The following ADCY9 variants were observed in gnomAD, a reference collection of about 807,000 sequenced individuals.
The protein encoded by ADCY9 is adenylate cyclase 9, also known as adenylate cyclase type 9.
In ADCY9, 50 loss-of-function variants were observed where a neutral mutation model predicts 101.5. The observed-to-expected ratio is 0.49, with a 90% confidence interval of 0.39 to 0.62. The LOEUF (loss-of-function observed/expected upper bound fraction) is 0.62. ADCY9 is among the 20% of genes least tolerant of loss of function. The probability of loss-of-function intolerance (pLI) is 0.00; values close to 1 mark genes in which losing one functional copy is unlikely to be tolerated. For synonymous variants in ADCY9, 905 were observed against 769.3 expected (o/e 1.18, Z -2.92); for missense variants, 1,662 against 1,800.4 (o/e 0.92, Z 1.39).
chr16:3,983,608 G>A (rs1230182930), intron 6 of ADCY9, 168 bp from the exon 7 acceptor site: 25 of 629,420 alleles, frequency 4.0e-5, no homozygotes, highest in Non-Finnish European at 6.4e-5. Flanking sequence ...ATTTAACACT[G>A]GGGAGTCCAA....
rs1555504577 is a variant in ADCY9 at position 3,956,488 on chromosome 16, CTT to C, written c.568-2974_568-2973del. Among the ~76,000 whole-genome samples the C allele has an allele frequency of 1.1e-3, 76 of 68,784 alleles. 1 individual carries two copies. The highest frequency in any genetic ancestry group is 4.4e-3 in the African/African-American group (67 of 15,152). 45.1% of individuals were successfully genotyped at this position (68,784 alleles called of 152,430 possible). On this transcript the variant is annotated intron_variant, in intron 5 of 5. Coordinates refer to the ADCY9 transcript ENST00000576936. The stretch of plus-strand genomic sequence containing the variant: ...AAGGACAAGACACCAGCGCAATGAG[CTT>C]TTTTTTTTTTTTTGGGGGGGGATGG...
chr16:4,097,487 T>TATATATATATATACACACAC (rs76750792), intron 2 of ADCY9, among the ~76,000 whole-genome samples: 27 of 72,482 alleles, frequency 3.7e-4, no homozygotes, highest in East Asian at 7.4e-4. Context: ...TATATATATA[T>TATATATATATATACACACAC]ACACACACAC....
At chr16:4,048,682 T>C (rs568856502) in intron 2 of ADCY9, among the ~76,000 whole-genome samples, 1 of 152,246 alleles carries the variant, frequency 6.6e-6, no homozygotes, top group African/African-American at 2.4e-5. Flanking sequence ...CCCCACTCCC[T>C]TCTTTCCCAA....
chr16:4,076,424 G>C (rs768739956), intron 2 of ADCY9, among the ~76,000 whole-genome samples: 5 of 152,110 alleles, frequency 3.3e-5, no homozygotes, highest in Admixed American at 1.3e-4. Flanking sequence ...CAAAGAAAAA[G>C]GCTCCAGTTT....
rs1285838081 is a variant in ADCY9 at position 4,115,974 on chromosome 16, GGC to G, written c.-330_-329del. The G allele has an allele frequency of 6.5e-6, 1 of 153,836 alleles. No homozygotes were observed. The highest frequency in any genetic ancestry group is 1.0e-5 in the Non-Finnish European group (1 of 98,264). 9.5% of individuals were successfully genotyped at this position (153,836 alleles called of 1,614,324 possible). A position where few individuals can be genotyped will look rare whatever the true frequency, so the allele number is the denominator to read the frequency against. On this transcript the variant is annotated 5_prime_UTR_variant, in exon 1 of 11. Transcript: ENST00000294016. The surrounding 1 kb of genome is among the most constrained non-coding windows in gnomAD (Gnocchi z 6.2). Reference sequence around the variant, plus strand: ...CAAAGGCGGCGCGCGGCCGGCCCCGGGCCCGGACCCCGACCCGGAGCAGCGAG... The same window carrying G: ...CAAAGGCGGCGCGCGGCCGGCCCCGGCCGGACCCCGACCCGGAGCAGCGAG...
At position 4,115,216 on chromosome 16, in the gene ADCY9, T is replaced by TGCCTGCGCAGCCG; in HGVS notation, c.214_226dup (p.Gln76ProfsTer195). ...CTCGAACAGCTGGGGCAGCTTCTTC[T>TGCCTGCGCAGCCG]GCCTGCGCAGCCGGCCTCCGCCGCC... On this transcript the variant is annotated frameshift_variant, in exon 2 of 11. Coordinates refer to ENST00000294016, the MANE Select transcript of ADCY9 (RefSeq NM_001116.4). LOFTEE classifies it high-confidence loss of function. The surrounding 1 kb of genome is among the most constrained non-coding windows in gnomAD (Gnocchi z 6.2). The TGCCTGCGCAGCCG allele has an allele frequency of 4.3e-6, 7 of 1,613,352 alleles. No homozygotes were observed. Among genetic ancestry groups the TGCCTGCGCAGCCG allele is most frequent in the Non-Finnish European group, 5.9e-6 (7 of 1,179,738 alleles).
intron 6 of ADCY9, among the ~76,000 whole-genome samples, chr16:3,987,509 T>A (rs537770954): frequency 6.6e-6 from 1 of 152,304 alleles, no homozygotes; most frequent in East Asian, 1.9e-4. Context: ...AGGAGGATAA[T>A]CATCAGCTTC....
intron 2 of ADCY9, chr16:4,032,039 C>G (rs2056558841): frequency 6.6e-6 from 1 of 150,528 alleles, no homozygotes; most frequent in Admixed American, 6.6e-5. Flanking sequence ...TCACACCTCC[C>G]CAGCACTTTG....
intron 2 of ADCY9, among the ~76,000 whole-genome samples, chr16:4,035,200 G>A (rs2056581219): frequency 6.6e-6 from 1 of 152,162 alleles, no homozygotes; most frequent in Non-Finnish European, 1.5e-5. Flanking sequence ...GTAGACAGAG[G>A]CAGTTCTGGC....
downstream of ADCY9, among the ~76,000 whole-genome samples, chr16:3,959,843 T>C (rs959769511): frequency 1.3e-5 from 2 of 151,998 alleles, no homozygotes; most frequent in Non-Finnish European, 2.9e-5. Flanking sequence ...CTGGCCAACA[T>C]GGTGAAACCC....
At chr16:4,021,340 C>G (rs1182909018) in intron 2 of ADCY9, among the ~76,000 whole-genome samples, 1 of 152,176 alleles carries the variant, frequency 6.6e-6, no homozygotes, top group Non-Finnish European at 1.5e-5. Flanking sequence ...AGGTATTACT[C>G]CACCATCCCT....
chr16:3,990,669 C>T (rs1284334920), intron 5 of ADCY9, among the ~76,000 whole-genome samples: 2 of 152,222 alleles, frequency 1.3e-5, no homozygotes, highest in Admixed American at 1.3e-4. Context: ...GACCCTCTCT[C>T]CTCCCCTGAC....
rs2386823 is a variant in ADCY9 at position 4,027,441 on chromosome 16, C to G, written c.1694-19883G>C. Among the ~76,000 whole-genome samples the G allele has an allele frequency of 1.1e-4, 16 of 152,036 alleles. 1 individual carries two copies. Among genetic ancestry groups the G allele is most frequent in the African/African-American group, 3.4e-4 (14 of 41,380 alleles). On this transcript the variant is annotated intron_variant, in intron 2 of 10. Transcript: ENST00000294016. Reference sequence around the variant, plus strand: ...ATAATTATCCGAGACTGGGTAATTACGAAGGAAAGGTTTAACTGGCTTGCA... The same window carrying G: ...ATAATTATCCGAGACTGGGTAATTAGGAAGGAAAGGTTTAACTGGCTTGCA...
At chr16:4,054,521 C>A (rs1026749741) in intron 2 of ADCY9, among the ~76,000 whole-genome samples, 3 of 152,156 alleles carry the variant, frequency 2.0e-5, no homozygotes, top group East Asian at 1.9e-4. Flanking sequence ...GTATTAGATA[C>A]GGGAAGCACC....
intron 2 of ADCY9, among the ~76,000 whole-genome samples, chr16:4,090,536 C>T (rs2056966850): frequency 6.6e-6 from 1 of 152,006 alleles, no homozygotes; most frequent in Non-Finnish European, 1.5e-5. Flanking sequence ...GCCGTGGAAA[C>T]CGTCCCACCT....
chr16:4,009,597 GT>G (rs1315738214), intron 2 of ADCY9, among the ~76,000 whole-genome samples: 1 of 152,116 alleles, frequency 6.6e-6, no homozygotes, highest in Admixed American at 6.6e-5. Flanking sequence ...CTGAACTTTT[GT>G]GCATTTTTTT....
chr16:4,062,709 C>T (rs1340544538), intron 2 of ADCY9, among the ~76,000 whole-genome samples: 4 of 151,970 alleles, frequency 2.6e-5, no homozygotes, highest in Admixed American at 6.6e-5. Context: ...ACAAAAAAAT[C>T]CCACAGACTG....
At chr16:3,983,205 T>C in intron 7 of ADCY9, 27 bp downstream of exon 7, 1 of 1,539,608 alleles carries the variant, frequency 6.5e-7, no homozygotes. Context: ...GGCTCAGAGC[T>C]GGAGACCCAG....
intron 2 of ADCY9, among the ~76,000 whole-genome samples, chr16:4,030,574 G>A (rs775270679): frequency 6.6e-6 from 1 of 152,014 alleles, no homozygotes; most frequent in East Asian, 1.9e-4. Context: ...ATGGTGGTGG[G>A]TGCCTGTAGT....
Sources: gnomAD v4.1 joint callset for allele counts (sites outside exome capture counted in the v4.1 genomes callset) on GRCh38, gnomAD v4.1.1 for gene constraint, Gnocchi (gnomAD v3.1) non-coding constraint, MANE v1.5 for transcripts, NCBI Gene and HGNC (gene_info 2026-07-23, HGNC 2026-07-21) for gene names.